MDGA2: variants seen among roughly 807,000 people sequenced by gnomAD.
MDGA2 encodes MAM domain-containing glycosylphosphatidylinositol anchor protein 2.
A neutral mutation model predicts 117.8 loss-of-function variants in MDGA2; 40 were observed. The ratio of observed to expected loss-of-function variants is 0.34; its 90% CI spans 0.26 to 0.44. MDGA2 has a LOEUF of 0.44. Ranked by LOEUF, MDGA2 falls within the 20% of genes least tolerant of loss-of-function variation. MDGA2 has a pLI of 1.00. For missense variants in MDGA2, 1,123 were observed against 1,250.6 expected, an observed-to-expected ratio of 0.90 and a Z score of 1.54; for synonymous variants, 452 against 439.0, an observed-to-expected ratio of 1.03 and a Z score of -0.37.
intron 15 of MDGA2, among the ~76,000 whole-genome samples, chr14:46,850,786 T>G (rs868071388): frequency 1.1e-4 from 17 of 151,940 alleles, no homozygotes; most frequent in Middle Eastern, 3.4e-3. Context: ...GTGGGACAAA[T>G]GTCAATTAGT....
rs1882595207 is a variant in MDGA2, at chr14:46,884,559, T to C, written c.2239-2338A>G. 6.6e-6 allele frequency among the ~76,000 whole-genome samples: 1 copy of C among 152,142 alleles called. No homozygotes were observed. ...CTGCTACATTTCTGGAAATAAAAAC[T>C]ACAATATGTGTGCTACAGCACAGTC... On this transcript the variant is annotated intron_variant, in intron 10 of 16. Coordinates refer to ENST00000399232, the MANE Select transcript of MDGA2 (RefSeq NM_001113498.3). This position sits in a 1 kb window ranked among gnomAD's most constrained non-coding sequence, Gnocchi z 4.1.
intron 3 of MDGA2, among the ~76,000 whole-genome samples, chr14:47,192,025 A>G (rs919568933): frequency 1.3e-5 from 2 of 152,196 alleles, no homozygotes; most frequent in African/African-American, 4.8e-5. Context: ...CAAGCAATTA[A>G]TGAAGCCCCT....
rs147425377 is a variant in MDGA2 at position 47,180,846 on chromosome 14, G to A, written c.596-36572C>T. 7.2e-5 allele frequency among the ~76,000 whole-genome samples: 11 copies of A among 152,160 alleles called. No homozygotes were observed. The East Asian group carries it at 1.2e-3, about 16-fold the overall frequency. Reference sequence around the variant, plus strand: ...TGAGGTAGGAGAATCGCTTGAACCCGGGAGAAAAAGGTTGCAGTGAGCTGA... The same window carrying A: ...TGAGGTAGGAGAATCGCTTGAACCCAGGAGAAAAAGGTTGCAGTGAGCTGA... On this transcript the variant is annotated intron_variant, in intron 3 of 16. Transcript: ENST00000399232.
chr14:47,249,080 C>T (rs1211128425), intron 2 of MDGA2, among the ~76,000 whole-genome samples: 15 of 150,630 alleles, frequency 1.0e-4, no homozygotes, highest in African/African-American at 2.7e-4. Flanking sequence ...GGCAGTGGTG[C>T]GATCTCGGCT....
chr14:46,891,052 C>T (rs1205899557), intron 10 of MDGA2, among the ~76,000 whole-genome samples: 1 of 151,970 alleles, frequency 6.6e-6, no homozygotes, highest in Non-Finnish European at 1.5e-5. Flanking sequence ...AAAACAAAGA[C>T]TGTCATTTTA....
At chr14:47,037,241 G>A (rs968009938) in intron 7 of MDGA2, among the ~76,000 whole-genome samples, 5 of 152,070 alleles carry the variant, frequency 3.3e-5, no homozygotes, top group Non-Finnish European at 7.3e-5. Context: ...CTATGTGACA[G>A]GCACAATTAA....
chr14:47,651,372 G>T (rs1897641464), intron 1 of MDGA2, among the ~76,000 whole-genome samples: 1 of 152,116 alleles, frequency 6.6e-6, no homozygotes, highest in Non-Finnish European at 1.5e-5. Context: ...AGGCACGAAA[G>T]AACTTAGCGC....
intron 1 of MDGA2, among the ~76,000 whole-genome samples, chr14:47,460,304 A>G (rs1893455421): frequency 1.3e-5 from 2 of 152,138 alleles, no homozygotes; most frequent in South Asian, 2.1e-4. Context: ...TGGATACACG[A>G]AGGAAAAAAA....
chr14:47,042,563 A>G (rs1889116591), intron 7 of MDGA2, among the ~76,000 whole-genome samples: 1 of 152,138 alleles, frequency 6.6e-6, no homozygotes, highest in South Asian at 2.1e-4. Context: ...TTGCTAGCAC[A>G]TTTACAGATT....
At chr14:47,312,677 G>GTTTTTTTTTTTTTTTT (rs202227321) in intron 1 of MDGA2, among the ~76,000 whole-genome samples, 2 of 126,766 alleles carry the variant, frequency 1.6e-5, no homozygotes, top group African/African-American at 5.9e-5. Flanking sequence ...CTAGTTTTTA[G>GTTTTTTTTTTTTTTTT]TTTTTTTTTT....
intron 1 of MDGA2, among the ~76,000 whole-genome samples, chr14:47,303,992 A>G (rs1317880637): frequency 6.6e-6 from 1 of 152,200 alleles, no homozygotes; most frequent in South Asian, 2.1e-4. Context: ...CTTCTATATT[A>G]TAACACATTC....
At chr14:47,085,445 G>C (rs1890861888) in intron 6 of MDGA2, among the ~76,000 whole-genome samples, 1 of 152,100 alleles carries the variant, frequency 6.6e-6, no homozygotes, top group South Asian at 2.1e-4. Flanking sequence ...TGACACAGAT[G>C]ATCAATATCA....
At chr14:47,313,631 T>C (rs1326760414) in intron 1 of MDGA2, among the ~76,000 whole-genome samples, 1 of 152,172 alleles carries the variant, frequency 6.6e-6, no homozygotes, top group East Asian at 1.9e-4. Context: ...GGTCTATACA[T>C]GTTCAATGTT....
intron 8 of MDGA2, among the ~76,000 whole-genome samples, chr14:46,990,548 T>C (rs1444896158): frequency 2.0e-5 from 3 of 152,012 alleles, no homozygotes; most frequent in African/African-American, 4.8e-5. Flanking sequence ...TGTTACACAT[T>C]TTCAAAAAAT....
intron 1 of MDGA2, among the ~76,000 whole-genome samples, chr14:47,413,581 G>A (rs1002813361): frequency 6.6e-6 from 1 of 151,786 alleles, no homozygotes; most frequent in African/African-American, 2.4e-5. Flanking sequence ...GTCTGAAATG[G>A]ACATTTTCAA....
chr14:47,633,555 G>C (rs1285563237), intron 1 of MDGA2, among the ~76,000 whole-genome samples: 1 of 152,110 alleles, frequency 6.6e-6, no homozygotes, highest in East Asian at 1.9e-4. Context: ...TAAATTCATA[G>C]GTAAACATGA....
intron 14 of MDGA2, among the ~76,000 whole-genome samples, chr14:46,861,518 G>A (rs1262893298): frequency 6.6e-6 from 1 of 151,810 alleles, no homozygotes; most frequent in Non-Finnish European, 1.5e-5. Context: ...AAAGAAGCCA[G>A]GTGTAAATTA....
At chr14:46,843,439 A>T (rs1448453286) in intron 16 of MDGA2, among the ~76,000 whole-genome samples, 2 of 152,196 alleles carry the variant, frequency 1.3e-5, no homozygotes, top group African/African-American at 4.8e-5. Flanking sequence ...GAAATTCAAA[A>T]GAAATCCTAT....
At chr14:46,942,112 A>G (rs1024746007) in intron 9 of MDGA2, among the ~76,000 whole-genome samples, 1 of 152,204 alleles carries the variant, frequency 6.6e-6, no homozygotes, top group Non-Finnish European at 1.5e-5. Flanking sequence ...TGCAAGAAAT[A>G]TAAGAGAGAA....
Sources: gnomAD v4.1 joint callset for allele counts (sites outside exome capture counted in the v4.1 genomes callset) on GRCh38, gnomAD v4.1.1 for gene constraint, Gnocchi (gnomAD v3.1) non-coding constraint, MANE v1.5 for transcripts, NCBI Gene and HGNC (gene_info 2026-07-23, HGNC 2026-07-21) for gene names.